SSBP2: variants seen among roughly 807,000 people sequenced by gnomAD.
SSBP2 encodes single-stranded DNA-binding protein 2.
SSBP2 carries 17 observed loss-of-function variants against 61.8 expected under a neutral mutation model. The ratio of observed to expected loss-of-function variants is 0.28; its 90% CI spans 0.19 to 0.41. SSBP2 has a LOEUF of 0.41. SSBP2 is among the 10% of genes least tolerant of loss of function. The pLI is 1.00. For synonymous variants in SSBP2, 139 were observed against 141.3 expected, an observed-to-expected ratio of 0.98 and a Z score of 0.12; for missense variants, 310 against 458.7, an observed-to-expected ratio of 0.68 and a Z score of 2.96.
chr5:81,501,266 T>TACAC (rs1167329426), intron 5 of SSBP2, among the ~76,000 whole-genome samples: 2 of 36,960 alleles, frequency 5.4e-5, no homozygotes, highest in Non-Finnish European at 9.9e-5. Context: ...TATATATATA[T>TACAC]ATACACACAC....
intron 1 of SSBP2, among the ~76,000 whole-genome samples, chr5:81,736,487 T>G (rs1756634165): frequency 6.6e-6 from 1 of 152,238 alleles, no homozygotes; most frequent in African/African-American, 2.4e-5. Flanking sequence ...CCTTTTCTCC[T>G]CGAATTTAAA....
At chr5:81,432,540 T>C (rs904438670) in intron 15 of SSBP2, among the ~76,000 whole-genome samples, 4 of 151,806 alleles carry the variant, frequency 2.6e-5, no homozygotes, top group Non-Finnish European at 5.9e-5. Context: ...ATGTCAGGAG[T>C]TTGAGACTAG....
rs146457727 is a variant in SSBP2 at position 81,749,676 on chromosome 5, AG to A, written c.62+1304del. On this transcript the variant is annotated intron_variant, in intron 1 of 16. Transcript: ENST00000320672. ...ATCTGTTGCACAGTTTAAAAAAAAA[AG>A]GGGGGGGTTCTTCCTCAGTGATCAC... 1.6e-3 allele frequency among the ~76,000 whole-genome samples: 220 copies of A among 136,980 alleles called. 1 individual carries two copies. The highest frequency in any genetic ancestry group is 3.9e-3 in the Middle Eastern group (1 of 258). 89.9% of individuals were successfully genotyped at this position (136,980 alleles called of 152,430 possible).
intron 14 of SSBP2, among the ~76,000 whole-genome samples, chr5:81,438,996 C>T (rs1762842547): frequency 6.6e-6 from 1 of 152,084 alleles, no homozygotes; most frequent in Non-Finnish European, 1.5e-5. Flanking sequence ...TGGCTAGTGG[C>T]TAGTGCAATT....
chr5:81,691,424 T>C (rs1024487480), intron 1 of SSBP2, among the ~76,000 whole-genome samples: 7 of 152,046 alleles, frequency 4.6e-5, no homozygotes, highest in Non-Finnish European at 1.0e-4. Context: ...GTGGCTACTA[T>C]GAGCAACTAC....
intron 4 of SSBP2, among the ~76,000 whole-genome samples, chr5:81,524,967 A>G (rs1256707261): frequency 6.6e-6 from 1 of 152,076 alleles, no homozygotes; most frequent in African/African-American, 2.4e-5. Flanking sequence ...CAGGGAAAAT[A>G]TAAATACAAC....
chr5:81,668,704 A>G (rs1291280805), intron 1 of SSBP2, among the ~76,000 whole-genome samples: 1 of 152,128 alleles, frequency 6.6e-6, no homozygotes, highest in Non-Finnish European at 1.5e-5. Context: ...AAATCAGTCA[A>G]TAATATTAAA....
chr5:81,653,347 C>G (rs1317718375), intron 1 of SSBP2, among the ~76,000 whole-genome samples: 1 of 152,156 alleles, frequency 6.6e-6, no homozygotes, highest in African/African-American at 2.4e-5. Context: ...CAGTCTATCA[C>G]TGATGGGCAC....
At chr5:81,722,822 T>C in intron 1 of SSBP2, among the ~76,000 whole-genome samples, 1 of 151,908 alleles carries the variant, frequency 6.6e-6, no homozygotes, top group Non-Finnish European at 1.5e-5. Flanking sequence ...CATCAGAGAA[T>C]GGACAAAACT....
chr5:81,465,612 T>C (rs1764837704), intron 9 of SSBP2, among the ~76,000 whole-genome samples: 1 of 152,212 alleles, frequency 6.6e-6, no homozygotes, highest in African/African-American at 2.4e-5. Context: ...ATTCAAAATA[T>C]ATACTCCTTA....
At chr5:81,728,996 G>A (rs1484829570) in intron 1 of SSBP2, among the ~76,000 whole-genome samples, 1 of 152,064 alleles carries the variant, frequency 6.6e-6, no homozygotes, top group African/African-American at 2.4e-5. Flanking sequence ...CCTTTCAAAT[G>A]TCTCACCATA....
chr5:81,644,894 A>G (rs1009447596), intron 2 of SSBP2, among the ~76,000 whole-genome samples: 5 of 152,214 alleles, frequency 3.3e-5, no homozygotes, highest in African/African-American at 1.2e-4. Flanking sequence ...AACACCAAAC[A>G]GTAGGATTAT....
At chr5:81,693,848 A>C (rs1183173258) in intron 1 of SSBP2, among the ~76,000 whole-genome samples, 2 of 152,232 alleles carry the variant, frequency 1.3e-5, no homozygotes, top group Non-Finnish European at 2.9e-5. Context: ...AAAAGAAAGA[A>C]AATCAGTATA....
At chr5:81,531,229 G>GAAAA (rs71000841) in intron 4 of SSBP2, among the ~76,000 whole-genome samples, 2 of 118,294 alleles carry the variant, frequency 1.7e-5, no homozygotes, top group Non-Finnish European at 1.8e-5. Flanking sequence ...ACCCTGTCTG[G>GAAAA]AAAAAAAAAA....
At chr5:81,658,200 G>A (rs1350581581) in intron 1 of SSBP2, among the ~76,000 whole-genome samples, 3 of 152,032 alleles carry the variant, frequency 2.0e-5, no homozygotes, top group Admixed American at 6.6e-5. Context: ...TGTTATTTTA[G>A]ACAAACATCT....
chr5:81,455,178 A>C (rs1461926392), intron 10 of SSBP2, among the ~76,000 whole-genome samples: 1 of 152,050 alleles, frequency 6.6e-6, no homozygotes, highest in African/African-American at 2.4e-5. Flanking sequence ...AAAAACAAAA[A>C]ACAAAGCCCC....
chr5:81,605,449 CT>C (rs1452659083), intron 4 of SSBP2, among the ~76,000 whole-genome samples: 1 of 152,104 alleles, frequency 6.6e-6, no homozygotes, highest in Non-Finnish European at 1.5e-5. Flanking sequence ...CTCTAGTTCC[CT>C]ATCCATCTCC....
At chr5:81,444,450 A>C (rs1159330750) in intron 12 of SSBP2, among the ~76,000 whole-genome samples, 1 of 152,106 alleles carries the variant, frequency 6.6e-6, no homozygotes, top group Non-Finnish European at 1.5e-5. Flanking sequence ...CCTCCCACTG[A>C]GTTCTGCCTT....
At chr5:81,530,943 G>A (rs1244625361) in intron 4 of SSBP2, among the ~76,000 whole-genome samples, 5 of 152,090 alleles carry the variant, frequency 3.3e-5, no homozygotes, top group Non-Finnish European at 2.9e-5. Flanking sequence ...TTCAGACTGC[G>A]CATGGTGGCT....
Sources: allele counts gnomAD v4.1 joint callset (sites outside exome capture counted in the v4.1 genomes callset), GRCh38; gene constraint gnomAD v4.1.1; transcripts MANE v1.5; gene names NCBI Gene and HGNC (gene_info 2026-07-23, HGNC 2026-07-21).